The following FAM53A variants were observed in gnomAD, a reference collection of about 807,000 sequenced individuals.
The protein encoded by FAM53A is family with sequence similarity 53 member A.
In FAM53A, 28 loss-of-function variants were observed where a neutral mutation model predicts 26.6. The observed-to-expected ratio is 1.05, with a 90% CI of 0.78 to 1.45. The LOEUF is 1.45. FAM53A is among the 40% of genes most tolerant of loss of function. The probability of loss-of-function intolerance (pLI) is 0.00; values close to 1 mark genes in which losing one functional copy is unlikely to be tolerated. For missense variants in FAM53A, 650 were observed against 575.8 expected, an observed-to-expected ratio of 1.13 and a Z score of -1.32; for synonymous variants, 290 against 253.1, an observed-to-expected ratio of 1.15 and a Z score of -1.38.
chr4:1,669,019 C>T, intron 1 of FAM53A, 114 bp from the exon 2 acceptor site: 1 of 375,930 alleles, frequency 2.7e-6, no homozygotes, highest in Non-Finnish European at 4.8e-6. Flanking sequence ...TCCCACCTCA[C>T]AAACACCCTC....
At chr4:1,667,472 C>T (rs75608146) in intron 2 of FAM53A, among the ~76,000 whole-genome samples, 1,809 of 152,284 alleles carry the variant, frequency 0.012, 17 homozygotes, top group Middle Eastern at 0.058. Flanking sequence ...AGCGCTGCCA[C>T]GGTCACCTCA....
intron 1 of FAM53A, among the ~76,000 whole-genome samples, chr4:1,682,379 CA>C (rs1273900194): frequency 6.6e-6 from 1 of 151,140 alleles, no homozygotes; most frequent in Non-Finnish European, 1.5e-5. Context: ...TCTCCTGCCT[CA>C]GCCTCCCGAG....
chr4:1,658,692 C>T (rs1713598698), intron 2 of FAM53A, among the ~76,000 whole-genome samples: 1 of 152,254 alleles, frequency 6.6e-6, no homozygotes, highest in East Asian at 1.9e-4. Context: ...CAGGGAGCTG[C>T]TTGGCAGGTC....
chr4:1,606,396 A>T, the FAM53A span, among the ~76,000 whole-genome samples: 1 of 150,326 alleles, frequency 6.7e-6, no homozygotes, highest in Non-Finnish European at 1.5e-5. Flanking sequence ...CACACTCCCC[A>T]CCCCTCCACG....
downstream of FAM53A, among the ~76,000 whole-genome samples, chr4:1,617,167 ATC>A (rs1403283551): frequency 2.9e-3 from 432 of 151,560 alleles, no homozygotes; most frequent in African/African-American, 0.01. Context: ...ATATTTACAA[ATC>A]AAGCAAGGTT....
At chr4:1,684,751 G>T (rs1327602900), upstream of FAM53A, among the ~76,000 whole-genome samples, 1 of 152,072 alleles carries the variant, frequency 6.6e-6, no homozygotes, top group Non-Finnish European at 1.5e-5. Context: ...CCCGCCTGCC[G>T]TCTGCCCGCT....
the FAM53A span, among the ~76,000 whole-genome samples, chr4:1,610,446 G>A: frequency 7.9e-5 from 12 of 152,306 alleles, no homozygotes; most frequent in East Asian, 1.9e-4. Flanking sequence ...CAGGGGCTAC[G>A]TGCCTCGAAG....
At chr4:1,665,025 C>T (rs570545312) in intron 2 of FAM53A, among the ~76,000 whole-genome samples, 2 of 149,924 alleles carry the variant, frequency 1.3e-5, no homozygotes, top group African/African-American at 4.9e-5. Flanking sequence ...TTAAAAAATC[C>T]TGATAAAGGC....
chr4:1,640,765 C>T lies in FAM53A; in HGVS notation c.*528G>A. The T allele has an allele frequency of 2.7e-6, 1 of 369,496 alleles. No individual in the cohort carries two copies. Among genetic ancestry groups the T allele is most frequent in the Non-Finnish European group, 5.1e-6 (1 of 197,928 alleles). 22.9% of individuals were successfully genotyped at this position (369,496 alleles called of 1,614,324 possible). On this transcript the variant is annotated 3_prime_UTR_variant, in exon 5 of 5. Transcript: ENST00000308132. ...CCTACTCTGTGCCCCAGGGCAGGTGCCGGTGGCAGCCATGGCCCCGACCAG... is the reference window on the plus strand; with the variant it reads ...CCTACTCTGTGCCCCAGGGCAGGTGTCGGTGGCAGCCATGGCCCCGACCAG...
chr4:1,648,796 G>C (rs1252239177), intron 4 of FAM53A, among the ~76,000 whole-genome samples: 1 of 152,186 alleles, frequency 6.6e-6, no homozygotes, highest in Non-Finnish European at 1.5e-5. Flanking sequence ...TCACTGTTCT[G>C]GCTCATTAAC....
chr4:1,581,872 G>A, the FAM53A span, among the ~76,000 whole-genome samples: 4 of 152,166 alleles, frequency 2.6e-5, no homozygotes, highest in African/African-American at 9.7e-5. Flanking sequence ...TGGGATTACA[G>A]GCTTGAGCCA....
chr4:1,681,103 AT>A (rs992357959), intron 1 of FAM53A, among the ~76,000 whole-genome samples: 3 of 149,896 alleles, frequency 2.0e-5, no homozygotes, highest in East Asian at 1.9e-4. Flanking sequence ...TAGCAACTCG[AT>A]TTTTTTTTTG....
chr4:1,675,593 G>C (rs798737), intron 1 of FAM53A, among the ~76,000 whole-genome samples: 147,013 of 152,256 alleles, frequency 0.97, 71,174 homozygotes, highest in East Asian at 1. Context: ...ACCCCAGGAG[G>C]TTTCCCTGCC....
the FAM53A span, among the ~76,000 whole-genome samples, chr4:1,584,100 T>C: frequency 1.3e-5 from 2 of 152,338 alleles, no homozygotes; most frequent in East Asian, 3.9e-4. Context: ...GTTTCAGATG[T>C]TGCGATATCA....
the FAM53A span, among the ~76,000 whole-genome samples, chr4:1,587,055 T>C: frequency 4.6e-5 from 7 of 152,368 alleles, no homozygotes; most frequent in South Asian, 1.4e-3. Flanking sequence ...AAATGTCTAC[T>C]TAGGTCCTTT....
At chr4:1,658,353 T>C (rs1432428215) in intron 2 of FAM53A, among the ~76,000 whole-genome samples, 1 of 152,210 alleles carries the variant, frequency 6.6e-6, no homozygotes, top group Non-Finnish European at 1.5e-5. Flanking sequence ...CAGGCATGCA[T>C]CCTGTCCCTG....
intron 1 of FAM53A, among the ~76,000 whole-genome samples, chr4:1,619,755 G>C (rs1714947030): frequency 6.6e-6 from 1 of 152,192 alleles, no homozygotes; most frequent in Non-Finnish European, 1.5e-5. Flanking sequence ...GGCCCTGGCA[G>C]GAATGGGGGT....
intron 1 of FAM53A, among the ~76,000 whole-genome samples, chr4:1,671,682 G>T (rs1560200566): frequency 6.6e-6 from 1 of 152,162 alleles, no homozygotes; most frequent in Non-Finnish European, 1.5e-5. Context: ...TGGCTGACAA[G>T]CCAGCCTCCC....
chr4:1,661,414 G>T (rs930758124), intron 2 of FAM53A, among the ~76,000 whole-genome samples: 1 of 151,958 alleles, frequency 6.6e-6, no homozygotes, highest in East Asian at 1.9e-4. Flanking sequence ...CTTCCCACCC[G>T]CCTCCCTGCA....
Sources: gnomAD v4.1 joint callset for allele counts (sites outside exome capture counted in the v4.1 genomes callset) on GRCh38, gnomAD v4.1.1 for gene constraint, MANE v1.5 for transcripts, NCBI Gene and HGNC (gene_info 2026-07-23, HGNC 2026-07-21) for gene names.